The following JMJD1C variants were observed in gnomAD, a reference collection of about 807,000 sequenced individuals.
JMJD1C encodes jumonji domain containing 1C, also known as jumonji domain-containing protein 1C.
In JMJD1C, 31 loss-of-function variants were observed where a neutral mutation model predicts 245.3. That is an observed-to-expected ratio of 0.13 (90% CI 0.09 to 0.17). The LOEUF (loss-of-function observed/expected upper bound fraction) is 0.17. Among genes scored for constraint, JMJD1C ranks in the 10% least tolerant of loss-of-function variants. The pLI is 1.00. For missense variants in JMJD1C, 2,691 were observed against 3,000.2 expected (o/e 0.90, Z 2.41); for synonymous variants, 1,057 against 1,017.4 (o/e 1.04, Z -0.74).
intron 2 of JMJD1C, among the ~76,000 whole-genome samples, chr10:63,307,866 C>G (rs764430266): frequency 3.9e-5 from 6 of 152,010 alleles, no homozygotes; most frequent in Non-Finnish European, 4.4e-5. Flanking sequence ...ACTGGGAAAT[C>G]AGGCTGGGCA....
intron 3 of JMJD1C, among the ~76,000 whole-genome samples, chr10:63,245,478 CTTTTTT>C (rs71025134): frequency 2.0e-4 from 18 of 90,198 alleles, no homozygotes; most frequent in East Asian, 7.7e-4. Flanking sequence ...CAGGGGAACT[CTTTTTT>C]TTTTTTTTTT....
intron 1 of JMJD1C, among the ~76,000 whole-genome samples, chr10:63,462,927 GACCCAAAATAAGA>G (rs1428010728): frequency 6.6e-6 from 1 of 151,380 alleles, no homozygotes; most frequent in Non-Finnish European, 1.5e-5. Context: ...TCATACATAA[GACCCAAAATAAGA>G]ATAACTGATT....
intron 2 of JMJD1C, among the ~76,000 whole-genome samples, chr10:63,305,858 G>T (rs1260048708): frequency 6.6e-6 from 1 of 151,870 alleles, no homozygotes; most frequent in East Asian, 1.9e-4. Flanking sequence ...TCAGCCTTCT[G>T]AGTAGCTGGG....
chr10:63,266,957 CTAAGT>C (rs929207831), intron 2 of JMJD1C, among the ~76,000 whole-genome samples: 1 of 151,992 alleles, frequency 6.6e-6, no homozygotes, highest in Non-Finnish European at 1.5e-5. Context: ...TTAAATTATT[CTAAGT>C]TAATTTGAAA....
intron 2 of JMJD1C, among the ~76,000 whole-genome samples, chr10:63,376,958 G>C (rs1022686614): frequency 4.6e-5 from 7 of 152,200 alleles, no homozygotes; most frequent in African/African-American, 1.4e-4. Flanking sequence ...GGCTTGGGCA[G>C]ATATTTATAC....
intron 1 of JMJD1C, among the ~76,000 whole-genome samples, chr10:63,484,941 G>A (rs1006794172): frequency 6.6e-6 from 1 of 151,660 alleles, no homozygotes; most frequent in Non-Finnish European, 1.5e-5. Flanking sequence ...GCAAGCTAGG[G>A]TTCATGCTGC....
At chr10:63,372,773 C>G (rs1385334527) in intron 2 of JMJD1C, among the ~76,000 whole-genome samples, 1 of 152,198 alleles carries the variant, frequency 6.6e-6, no homozygotes, top group Admixed American at 6.5e-5. Context: ...TAAGGGAAGA[C>G]AGACATGCAA....
chr10:63,410,448 T>A (rs1456209246), intron 1 of JMJD1C, among the ~76,000 whole-genome samples: 2 of 152,016 alleles, frequency 1.3e-5, no homozygotes, highest in Non-Finnish European at 2.9e-5. Flanking sequence ...GTGAGTGAGG[T>A]GAAAGAAAGT....
intron 3 of JMJD1C, among the ~76,000 whole-genome samples, chr10:63,232,697 G>C (rs997363861): frequency 1.3e-5 from 2 of 152,142 alleles, no homozygotes; most frequent in African/African-American, 4.8e-5. Context: ...AAGTTTAAGA[G>C]AAGTATATGT....
At chr10:63,430,484 G>C (rs1375609565) in intron 1 of JMJD1C, among the ~76,000 whole-genome samples, 1 of 152,182 alleles carries the variant, frequency 6.6e-6, no homozygotes, top group Non-Finnish European at 1.5e-5. Flanking sequence ...AAAGCTAGAT[G>C]CAAAAGGGCA....
intron 1 of JMJD1C, among the ~76,000 whole-genome samples, chr10:63,508,107 A>G (rs1357083893): frequency 6.6e-6 from 1 of 152,198 alleles, no homozygotes; most frequent in Non-Finnish European, 1.5e-5. Flanking sequence ...AGTCTTATCA[A>G]TGACTTTCTA....
intron 2 of JMJD1C, among the ~76,000 whole-genome samples, chr10:63,277,530 T>G (rs1184452509): frequency 6.6e-6 from 1 of 152,108 alleles, no homozygotes; most frequent in Non-Finnish European, 1.5e-5. Context: ...AAATTACTCC[T>G]GTGTCTGCAG....
At chr10:63,339,554 G>A (rs1006461174) in intron 2 of JMJD1C, among the ~76,000 whole-genome samples, 1 of 152,094 alleles carries the variant, frequency 6.6e-6, no homozygotes, top group African/African-American at 2.4e-5. Context: ...AGGCAGGGAT[G>A]GGAGGATCCC....
intron 1 of JMJD1C, among the ~76,000 whole-genome samples, chr10:63,450,255 T>C (rs1020917821): frequency 1.3e-5 from 2 of 151,964 alleles, no homozygotes; most frequent in East Asian, 1.9e-4. Context: ...GGTGCAGAGG[T>C]ACCCATCTGT....
intron 1 of JMJD1C, chr10:63,427,683 A>G (rs1411127183): frequency 7.7e-7 from 1 of 1,303,312 alleles, no homozygotes; most frequent in Non-Finnish European, 1.1e-6. Context: ...TCCGCAGAGA[A>G]GCCTGGGTCT....
chr10:63,419,356 C>T (rs1949983155), intron 1 of JMJD1C, among the ~76,000 whole-genome samples: 1 of 151,886 alleles, frequency 6.6e-6, no homozygotes, highest in Non-Finnish European at 1.5e-5. Context: ...CATTGCACTC[C>T]AGCCTGGGCG....
At chr10:63,411,357 G>A (rs1949464677) in intron 1 of JMJD1C, among the ~76,000 whole-genome samples, 1 of 149,164 alleles carries the variant, frequency 6.7e-6, no homozygotes, top group African/African-American at 2.5e-5. Flanking sequence ...TGGAGTAGGT[G>A]GCCCAATCTT....
At chr10:63,513,710 A>G (rs558699469) in intron 1 of JMJD1C, among the ~76,000 whole-genome samples, 2 of 152,268 alleles carry the variant, frequency 1.3e-5, no homozygotes, top group South Asian at 4.1e-4. Flanking sequence ...CAGGAGATCG[A>G]GACCATCCTG....
chr10:63,376,463 A>G (rs1157674567), intron 2 of JMJD1C, among the ~76,000 whole-genome samples: 2 of 152,210 alleles, frequency 1.3e-5, no homozygotes, highest in African/African-American at 4.8e-5. Context: ...AGCACGGGCC[A>G]CTGCTAACAC....
Sources: gnomAD v4.1 joint callset for allele counts (sites outside exome capture counted in the v4.1 genomes callset) on GRCh38, gnomAD v4.1.1 for gene constraint, MANE v1.5 for transcripts, NCBI Gene and HGNC (gene_info 2026-07-23, HGNC 2026-07-21) for gene names.